Variants in LTA4H observed in about 807,000 individuals in gnomAD.
LTA4H encodes leukotriene A4 hydrolase, also known as leukotriene A-4 hydrolase.
Under a neutral mutation model 89.8 loss-of-function variants are expected in LTA4H, and 59 were observed. The ratio of observed to expected loss-of-function variants is 0.66; its 90% CI spans 0.53 to 0.82. LTA4H has a LOEUF of 0.82. LTA4H is among the 40% of genes least tolerant of loss of function. LTA4H has a pLI of 0.00. For synonymous variants in LTA4H, 227 were observed against 253.1 expected (o/e 0.90, Z 0.98); for missense variants, 617 against 727.0 (o/e 0.85, Z 1.74).
At chr12:96,029,029 A>G in intron 2 of LTA4H, 26 bp downstream of exon 2, 1 of 1,524,058 alleles carries the variant, frequency 6.6e-7, no homozygotes, top group Non-Finnish European at 8.8e-7. Flanking sequence ...TTTAGCTGTA[A>G]AAGAGAAAGA....
upstream of LTA4H, among the ~76,000 whole-genome samples, chr12:96,037,942 G>A (rs1335643269): frequency 1.3e-5 from 2 of 152,020 alleles, no homozygotes; most frequent in East Asian, 3.9e-4. Context: ...CACCCACCTC[G>A]GCCTCCCAAA....
At position 96,013,376 on chromosome 12, in the gene LTA4H, T is replaced by G; in HGVS notation, c.1309-118A>C. 3 of 615,334 alleles carry G rather than the reference T, an allele frequency of 4.9e-6. 1 individual carries two copies. The highest frequency in any genetic ancestry group is 8.7e-6 in the Non-Finnish European group (3 of 345,066). The allele number at this position is 615,334 out of a possible 1,614,324, so 38.1% of individuals were successfully genotyped here. ...TCTAATCTGCTATATCAAGATAATT[T>G]CTAAATCTTTTTTAAAAATTAATAT... On this transcript the variant is annotated intron_variant, in intron 13 of 18. Transcript: ENST00000228740.
intron 1 of LTA4H, among the ~76,000 whole-genome samples, 174 bp from the exon 2 acceptor site, chr12:96,029,359 C>G (rs1950549276): frequency 6.6e-6 from 1 of 152,100 alleles, no homozygotes; most frequent in Non-Finnish European, 1.5e-5. Flanking sequence ...CTCTAAGCAT[C>G]TTGAAAATTT....
At chr12:96,008,894 G>C (rs1387194471) in intron 15 of LTA4H, among the ~76,000 whole-genome samples, 200 bp downstream of exon 15, 2 of 152,144 alleles carry the variant, frequency 1.3e-5, no homozygotes, top group African/African-American at 4.8e-5. Context: ...AGTCCAGCCT[G>C]GGCAACAGAG....
Position 96,014,963 on chromosome 12 carries a change from G to C in LTA4H, c.1096C>G (p.Leu366Val), listed in dbSNP as rs752164484. The change falls in exon 12 of 19, where the codon CTT (leucine) becomes GTT (valine). Residue 366 changes from leucine (L) to valine (V), a missense_variant. Around this residue, in one of 3 missense-constraint regions of LTA4H, gnomAD observed 290 missense variants for 339.1 expected, o/e 0.86. Transcript: ENST00000228740. Reference protein sequence around the residue: ...TFGETHPFTKLVVDLTDIDPD... With the variant: ...TFGETHPFTKVVVDLTDIDPD... ...TCTATATCTGTCAGATCAACCACAA[G>C]TTTGGTGAAAGGATGTGTCTCCCCA... 27 of 1,613,068 alleles carry C rather than the reference G, an allele frequency of 1.7e-5. No individual in the cohort carries two copies. The highest frequency in any genetic ancestry group is 1.6e-5 in the Non-Finnish European group (19 of 1,179,700).
At chr12:96,012,610 C>T (rs1950320768) in intron 14 of LTA4H, 1 of 152,524 alleles carries the variant, frequency 6.6e-6, no homozygotes, top group Admixed American at 6.5e-5. Flanking sequence ...ACTTGTAAGG[C>T]TGAGGTAGGA....
At chr12:96,013,883 C>A (rs1950340203) in intron 12 of LTA4H, 30 bp from the exon 13 acceptor site, 1 of 973,318 alleles carries the variant, frequency 1.0e-6, no homozygotes, top group Non-Finnish European at 1.6e-6. Context: ...GAAATCAATT[C>A]ATAGAAAGGT....
At chr12:96,010,741 C>T (rs1950287242) in intron 14 of LTA4H, 1 of 152,214 alleles carries the variant, frequency 6.6e-6, no homozygotes, top group Non-Finnish European at 1.5e-5. Flanking sequence ...TAAAGGTTTA[C>T]TCTAGCTTTA....
In LTA4H at chr12:96,022,500, T is replaced by C. The variant is rs986158368; in HGVS notation, c.481-249A>G. Among the ~76,000 whole-genome samples the C allele has an allele frequency of 6.6e-6, 1 of 151,896 alleles. No homozygotes were observed. The highest frequency in any genetic ancestry group is 2.4e-5 in the African/African-American group (1 of 41,354). ...ATATAAAACACATATACAAAAAGTA[T>C]ATATATACACATATACATATCAGTT... On this transcript the variant is annotated intron_variant, in intron 4 of 18. Transcript: ENST00000228740. This position sits in a 1 kb window ranked among gnomAD's most constrained non-coding sequence, Gnocchi z 4.0.
At chr12:96,020,732 T>C (rs1950443518) in intron 6 of LTA4H, 1 of 174,832 alleles carries the variant, frequency 5.7e-6, no homozygotes, top group Non-Finnish European at 1.2e-5. Flanking sequence ...TTAATATATT[T>C]TATCTCATTT....
At chr12:96,029,481 C>G (rs963167660) in intron 1 of LTA4H, among the ~76,000 whole-genome samples, 1 of 152,132 alleles carries the variant, frequency 6.6e-6, no homozygotes, top group Non-Finnish European at 1.5e-5. Context: ...CTTCTGACTC[C>G]TAAAATTTTC....
chr12:96,002,847 T>C (rs1592861361), intron 18 of LTA4H, 113 bp downstream of exon 18: 1 of 692,182 alleles, frequency 1.4e-6, no homozygotes, highest in Non-Finnish European at 2.4e-6. Context: ...AAAATTATAC[T>C]GATAAACTTT....
rs778196929 is a variant in LTA4H, at chr12:96,024,447, A to C, written c.480+32T>G. 3.9e-6 allele frequency: 5 copies of C among 1,289,432 alleles called. No individual in the cohort carries two copies. In the East Asian group the frequency reaches 1.2e-4, roughly 30 times the overall value. 79.9% of individuals were successfully genotyped at this position (1,289,432 alleles called of 1,614,324 possible). A position where few individuals can be genotyped will look rare whatever the true frequency, so the allele number is the denominator to read the frequency against. On this transcript the variant is annotated intron_variant, in intron 4 of 18. Transcript: ENST00000228740. ...TATACCATATTTACTGATATGCATCATTTAATTGAGTTAATAATTCGTAAT... is the reference window on the plus strand; with the variant it reads ...TATACCATATTTACTGATATGCATCCTTTAATTGAGTTAATAATTCGTAAT...
chr12:96,021,330 A>G (rs758159335), intron 5 of LTA4H, among the ~76,000 whole-genome samples, 193 bp from the exon 6 acceptor site: 19 of 152,212 alleles, frequency 1.2e-4, no homozygotes, highest in Admixed American at 2.6e-4. Flanking sequence ...GATATAAAAC[A>G]TTGTTCAAAA....
At chr12:96,035,967 G>A (rs1016574536), upstream of LTA4H, among the ~76,000 whole-genome samples, 4 of 152,142 alleles carry the variant, frequency 2.6e-5, no homozygotes, top group African/African-American at 7.2e-5. Context: ...TAGCGAGGGC[G>A]GGGCGGAGCA....
At position 96,014,363 on chromosome 12, in the gene LTA4H, G is replaced by A. The variant is rs76748556; in HGVS notation, c.1204+492C>T. The stretch of plus-strand genomic sequence containing the variant: ...TATGTACTGACACAGAAGGGTGTAT[G>A]TGAAATATCGAGCAAAACAAAACAC... On this transcript the variant is annotated intron_variant, in intron 12 of 18. Coordinates refer to ENST00000228740, the MANE Select transcript of LTA4H (RefSeq NM_000895.3). 5.9e-3 allele frequency: 899 copies of A among 153,554 alleles called. 5 individuals are homozygous for A. The highest frequency in any genetic ancestry group is 8.6e-3 in the Non-Finnish European group (589 of 68,742). 9.5% of individuals were successfully genotyped at this position (153,554 alleles called of 1,614,324 possible).
intron 1 of LTA4H, among the ~76,000 whole-genome samples, chr12:96,031,193 G>T (rs557898123): frequency 6.6e-6 from 1 of 152,152 alleles, no homozygotes; most frequent in Admixed American, 6.5e-5. Context: ...GCATTATAAT[G>T]ATTTCTTTTT....
In LTA4H at chr12:96,022,039, T is replaced by C. The variant is rs1448452474; in HGVS notation, c.585+108A>G. The C allele has an allele frequency of 4.4e-6, 3 of 680,672 alleles. No individual in the cohort carries two copies. Among genetic ancestry groups the C allele is most frequent in the Non-Finnish European group, 7.7e-6 (3 of 389,866 alleles). 42.2% of individuals were successfully genotyped at this position (680,672 alleles called of 1,614,324 possible). A position where few individuals can be genotyped will look rare whatever the true frequency, so the allele number is the denominator to read the frequency against. Reference sequence around the variant, plus strand: ...TGAAGAAAACAAAAACCAAAAGCTGTTCTCAAAATTCTGAAATATTTCAAA... The same window carrying C: ...TGAAGAAAACAAAAACCAAAAGCTGCTCTCAAAATTCTGAAATATTTCAAA... On this transcript the variant is annotated intron_variant, in intron 5 of 18. Transcript: ENST00000228740. This position sits in a 1 kb window ranked among gnomAD's most constrained non-coding sequence, Gnocchi z 4.0.
chr12:96,010,806 C>T (rs1950289158), intron 14 of LTA4H: 1 of 152,120 alleles, frequency 6.6e-6, no homozygotes, highest in South Asian at 2.1e-4. Context: ...AGTTTGGGTG[C>T]CAGAACAGTC....
Sources: allele counts gnomAD v4.1 joint callset (sites outside exome capture counted in the v4.1 genomes callset), GRCh38; gene constraint gnomAD v4.1.1; regional missense constraint gnomAD v4.1.1; non-coding constraint Gnocchi (gnomAD v3.1); transcripts MANE v1.5; gene names NCBI Gene and HGNC (gene_info 2026-07-23, HGNC 2026-07-21).